The following CTBP2 variants were observed in gnomAD, a reference collection of about 807,000 sequenced individuals.
CTBP2 encodes C-terminal binding protein 2, also known as C-terminal-binding protein 2.
Under a neutral mutation model 80.3 loss-of-function variants are expected in CTBP2, and 30 were observed. The observed-to-expected ratio is 0.37, with a 90% CI of 0.28 to 0.51. The LOEUF (loss-of-function observed/expected upper bound fraction) is 0.51. CTBP2 is among the 20% of genes least tolerant of loss of function. The pLI, the probability that CTBP2 is intolerant of heterozygous loss-of-function variation, is 0.93. For missense variants in CTBP2, 1,212 were observed against 1,375.3 expected, an observed-to-expected ratio of 0.88 and a Z score of 1.88; for synonymous variants, 594 against 587.4, an observed-to-expected ratio of 1.01 and a Z score of -0.16.
chr10:125,028,812 C>A (rs1469110907), upstream of CTBP2, among the ~76,000 whole-genome samples: 1 of 152,230 alleles, frequency 6.6e-6, no homozygotes, highest in East Asian at 1.9e-4. Flanking sequence ...AGCCTAATTC[C>A]AGCAGGCTTA....
intron 2 of CTBP2, among the ~76,000 whole-genome samples, chr10:125,049,092 C>CACACACACACACACACACACACACACGT (rs1255245867): frequency 6.9e-6 from 1 of 144,046 alleles, no homozygotes; most frequent in East Asian, 2.2e-4. Context: ...CACACACACA[C>CACACACACACACACACACACACACACGT]GTCCACCTGA....
At chr10:125,029,131 T>TG (rs1207972470), upstream of CTBP2, among the ~76,000 whole-genome samples, 1 of 152,186 alleles carries the variant, frequency 6.6e-6, no homozygotes, top group African/African-American at 2.4e-5. Flanking sequence ...CATGCATACC[T>TG]GCAAGCATTA....
chr10:125,090,173 G>A (rs1590697635), intron 2 of CTBP2, among the ~76,000 whole-genome samples: 1 of 151,594 alleles, frequency 6.6e-6, no homozygotes, highest in Non-Finnish European at 1.5e-5. Context: ...GAGGGATAGG[G>A]GCCAGACACG....
chr10:125,128,795 G>A (rs1419322759), intron 1 of CTBP2, among the ~76,000 whole-genome samples: 1 of 152,244 alleles, frequency 6.6e-6, no homozygotes, highest in Non-Finnish European at 1.5e-5. Flanking sequence ...TCCATTTCTA[G>A]GAACTTACCC....
chr10:125,073,859 G>C (rs955743843), intron 2 of CTBP2, among the ~76,000 whole-genome samples: 6 of 152,186 alleles, frequency 3.9e-5, no homozygotes, highest in African/African-American at 1.4e-4. Context: ...TCCCAATCAG[G>C]GTCTGGTGCT....
chr10:125,095,804 T>C (rs1275944061), intron 2 of CTBP2, among the ~76,000 whole-genome samples: 6 of 152,070 alleles, frequency 3.9e-5, no homozygotes, highest in Admixed American at 3.9e-4. Flanking sequence ...AAGTAGTAGG[T>C]TTCTCACTGT....
chr10:125,128,369 T>C (rs1024605117), intron 1 of CTBP2, among the ~76,000 whole-genome samples: 8 of 152,024 alleles, frequency 5.3e-5, no homozygotes, highest in African/African-American at 1.9e-4. Context: ...TCAGAGAGCA[T>C]GGTATTTTGG....
chr10:125,074,328 C>T (rs1005486481), intron 2 of CTBP2, among the ~76,000 whole-genome samples: 1 of 152,210 alleles, frequency 6.6e-6, no homozygotes, highest in Non-Finnish European at 1.5e-5. Flanking sequence ...AGCTGGGATG[C>T]ACCCTCTGCA....
At chr10:125,002,325 C>A (rs1004463865) in intron 3 of CTBP2, among the ~76,000 whole-genome samples, 1 of 152,202 alleles carries the variant, frequency 6.6e-6, no homozygotes, top group African/African-American at 2.4e-5. Context: ...TGGGCAGAGG[C>A]CCCCCTCAAC....
rs541501087 is a variant in CTBP2 at position 125,093,782 on chromosome 10, C to T, written c.-102+17208G>A. 6.7e-4 allele frequency among the ~76,000 whole-genome samples: 102 copies of T among 152,302 alleles called. No individual in the cohort carries two copies. In the Middle Eastern group the frequency reaches 0.01, roughly 15 times the overall value. ...CGCTCAGGGGGCAGCACAGAACGCG[C>T]GCAACCGTGGCTGGAAGTGAAAATG... On this transcript the variant is annotated intron_variant, in intron 2 of 10. Transcript: ENST00000337195.
chr10:125,134,205 C>T (rs1856615899), intron 1 of CTBP2, among the ~76,000 whole-genome samples: 1 of 152,234 alleles, frequency 6.6e-6, no homozygotes, highest in African/African-American at 2.4e-5. Context: ...ACATGACCAA[C>T]ATCAAGTAAT....
intron 1 of CTBP2, among the ~76,000 whole-genome samples, chr10:125,116,123 T>G (rs766580654): frequency 2.0e-5 from 3 of 152,070 alleles, no homozygotes; most frequent in Admixed American, 6.6e-5. Flanking sequence ...CCCCAGGGAC[T>G]CAGGAGGGGC....
intron 2 of CTBP2, among the ~76,000 whole-genome samples, chr10:125,104,568 C>T (rs1399582283): frequency 6.6e-6 from 1 of 152,178 alleles, no homozygotes; most frequent in African/African-American, 2.4e-5. Context: ...ATTTTACCTC[C>T]TTACACAGGA....
At chr10:125,118,517 G>A (rs1853726524) in intron 1 of CTBP2, among the ~76,000 whole-genome samples, 1 of 152,148 alleles carries the variant, frequency 6.6e-6, no homozygotes, top group South Asian at 2.1e-4. Context: ...GTCATTTTGT[G>A]AATTCAAGCT....
chr10:125,129,777 G>T (rs1241382578), intron 1 of CTBP2, among the ~76,000 whole-genome samples: 1 of 152,216 alleles, frequency 6.6e-6, no homozygotes, highest in Non-Finnish European at 1.5e-5. Flanking sequence ...CCAAGGCCCT[G>T]GAGGCACAGG....
intron 6 of CTBP2, 46 bp from the exon 9 acceptor site, chr10:124,993,375 C>T (rs374776665): frequency 5.4e-5 from 85 of 1,580,550 alleles, no homozygotes; most frequent in Admixed American, 6.8e-5. Flanking sequence ...ATGTCGCATA[C>T]GCTCCCTGCC....
chr10:124,991,513 G>C (rs1272854242), intron 8 of CTBP2, among the ~76,000 whole-genome samples: 2 of 152,222 alleles, frequency 1.3e-5, no homozygotes, highest in East Asian at 3.8e-4. Flanking sequence ...ACAGCCATGT[G>C]ACCTGCAAGC....
chr10:124,990,576 A>G (rs1421494165), intron 8 of CTBP2, among the ~76,000 whole-genome samples: 1 of 152,248 alleles, frequency 6.6e-6, no homozygotes, highest in Non-Finnish European at 1.5e-5. Context: ...ATGGACTCCC[A>G]ACTGTTCACC....
At chr10:125,099,922 G>A (rs1279082933) in intron 2 of CTBP2, among the ~76,000 whole-genome samples, 2 of 152,166 alleles carry the variant, frequency 1.3e-5, no homozygotes, top group Non-Finnish European at 2.9e-5. Flanking sequence ...AGGACTTTGC[G>A]CAGGCTCAGA....
Sources: gnomAD v4.1 joint callset for allele counts (sites outside exome capture counted in the v4.1 genomes callset) on GRCh38, gnomAD v4.1.1 for gene constraint, MANE v1.5 for transcripts, NCBI Gene and HGNC (gene_info 2026-07-23, HGNC 2026-07-21) for gene names.